The following DAPK2 variants were observed in gnomAD, a reference collection of about 807,000 sequenced individuals.
The protein encoded by DAPK2 is death-associated protein kinase 2.
Under a neutral mutation model 44.1 loss-of-function variants are expected in DAPK2, and 35 were observed. The ratio of observed to expected loss-of-function variants is 0.79; its 90% CI spans 0.61 to 1.05. The LOEUF is 1.05. Among genes scored for constraint, DAPK2 ranks in the 50% least tolerant of loss-of-function variants. The pLI is 0.00. For synonymous variants in DAPK2, 174 were observed against 182.6 expected (o/e 0.95, Z 0.38); for missense variants, 453 against 483.2 (o/e 0.94, Z 0.59).
At position 63,916,681 on chromosome 15, in the gene DAPK2, C is replaced by T. The variant is rs12592997; in HGVS notation, c.859-4484G>A. 98,297 of 152,124 alleles carry T rather than the reference C, an allele frequency of 0.65. 32,355 individuals are homozygous for T. The highest frequency in any genetic ancestry group is 0.99 in the East Asian group (5,141 of 5,190). The allele number at this position is 152,124 out of a possible 1,614,324, so 9.4% of individuals were successfully genotyped here. A position where few individuals can be genotyped will look rare whatever the true frequency, so the allele number is the denominator to read the frequency against. On this transcript the variant is annotated intron_variant, in intron 8 of 10. Transcript: ENST00000261891. This position sits in a 1 kb window ranked among gnomAD's most constrained non-coding sequence, Gnocchi z 4.7. ...AGAAAGGCTGTGAGCCTGAAGGCTGCCCCCTACAGTGAACAAGCCAGTGGA... is the reference window on the plus strand; with the variant it reads ...AGAAAGGCTGTGAGCCTGAAGGCTGTCCCCTACAGTGAACAAGCCAGTGGA...
intron 4 of DAPK2, chr15:63,935,614 T>G (rs1003524734): frequency 1.3e-5 from 2 of 152,178 alleles, no homozygotes; most frequent in African/African-American, 2.4e-5. Flanking sequence ...AAGATTTTTG[T>G]TTTTTTCTGC....
chr15:64,021,463 C>T (rs1407934944), intron 1 of DAPK2, among the ~76,000 whole-genome samples: 1 of 152,150 alleles, frequency 6.6e-6, no homozygotes, highest in Non-Finnish European at 1.5e-5. Flanking sequence ...CTTGTAAACA[C>T]AAGCTCAGCG....
intron 1 of DAPK2, among the ~76,000 whole-genome samples, chr15:64,030,812 T>A (rs1394826738): frequency 1.3e-5 from 2 of 151,972 alleles, no homozygotes; most frequent in East Asian, 1.9e-4. Context: ...CTACAAAAAA[T>A]TTTAAAATTA....
At chr15:64,001,725 G>A (rs2079089831) in intron 1 of DAPK2, among the ~76,000 whole-genome samples, 3 of 152,152 alleles carry the variant, frequency 2.0e-5, no homozygotes, top group Admixed American at 2.0e-4. Context: ...CAGAAAAGTG[G>A]AATCTTAGAT....
chr15:63,911,399 C>T (rs1277612311), intron 10 of DAPK2: 1 of 160,032 alleles, frequency 6.2e-6, no homozygotes, highest in Non-Finnish European at 1.4e-5. Flanking sequence ...AGTCTGACTG[C>T]AGAGGGCACC....
At chr15:63,954,549 A>G (rs941003884) in intron 3 of DAPK2, among the ~76,000 whole-genome samples, 1 of 152,120 alleles carries the variant, frequency 6.6e-6, no homozygotes. Context: ...TGGTTACTAT[A>G]TAGCTTTGTC....
At chr15:64,021,312 G>A (rs180767715) in intron 1 of DAPK2, among the ~76,000 whole-genome samples, 17 of 152,298 alleles carry the variant, frequency 1.1e-4, no homozygotes, top group East Asian at 5.8e-4. Context: ...TGAGCATTCC[G>A]TACAGTTGCT....
chr15:63,912,292 G>T lies in DAPK2; in HGVS notation c.859-95C>A. 7.8e-7 allele frequency: 1 copy of T among 1,288,642 alleles called. No homozygotes were observed. Among genetic ancestry groups the T allele is most frequent in the Non-Finnish European group, 1.1e-6 (1 of 912,826 alleles). The allele number at this position is 1,288,642 out of a possible 1,614,324, so 79.8% of individuals were successfully genotyped here. On this transcript the variant is annotated intron_variant, in intron 8 of 10. Transcript: ENST00000261891. This position sits in a 1 kb window ranked among gnomAD's most constrained non-coding sequence, Gnocchi z 4.4. ...ACTCCCCACCCACCGCATGCCCACCGCCCTTGGCTTGACCCTGGCATCTCC... is the reference window on the plus strand; with the variant it reads ...ACTCCCCACCCACCGCATGCCCACCTCCCTTGGCTTGACCCTGGCATCTCC...
At chr15:63,976,060 G>A (rs1390405184) in intron 2 of DAPK2, among the ~76,000 whole-genome samples, 1 of 152,180 alleles carries the variant, frequency 6.6e-6, no homozygotes, top group African/African-American at 2.4e-5. Flanking sequence ...ATCATGAAAA[G>A]TAGAACAACC....
intron 8 of DAPK2, among the ~76,000 whole-genome samples, chr15:63,913,426 G>T (rs976273132): frequency 1.6e-4 from 25 of 152,134 alleles, no homozygotes; most frequent in Non-Finnish European, 3.7e-4. Context: ...AGAGTCAATA[G>T]CTTTTATCGA....
chr15:63,934,258 T>TTG (rs2077069230), intron 4 of DAPK2, among the ~76,000 whole-genome samples: 1 of 133,860 alleles, frequency 7.5e-6, no homozygotes, highest in Non-Finnish European at 1.6e-5. Flanking sequence ...AGTTTTTTTT[T>TTG]TTTTTTTTTT....
At chr15:63,997,885 T>A (rs150858711) in intron 1 of DAPK2, among the ~76,000 whole-genome samples, 1 of 152,298 alleles carries the variant, frequency 6.6e-6, no homozygotes, top group East Asian at 1.9e-4. Flanking sequence ...AGTTTCATCA[T>A]CAGTGAGACA....
At chr15:64,035,980 C>T in intron 1 of DAPK2, among the ~76,000 whole-genome samples, 1 of 152,110 alleles carries the variant, frequency 6.6e-6, no homozygotes, top group East Asian at 1.9e-4. Context: ...GAATCAGAAA[C>T]ATGTGGACCA....
upstream of DAPK2, among the ~76,000 whole-genome samples, chr15:64,042,097 T>A (rs2080366690): frequency 6.6e-6 from 1 of 152,178 alleles, no homozygotes; most frequent in South Asian, 2.1e-4. This position sits in a 1 kb window ranked among gnomAD's most constrained non-coding sequence, Gnocchi z 4.7. Context: ...CTGGGACTCA[T>A]CCCCTCACCT....
intron 1 of DAPK2, among the ~76,000 whole-genome samples, chr15:63,998,975 T>A (rs2079017944): frequency 6.6e-6 from 1 of 152,276 alleles, no homozygotes; most frequent in East Asian, 1.9e-4. Context: ...AAAGGAAATA[T>A]TCTATATATT....
At chr15:64,016,898 A>AGGAC (rs1264094004) in intron 1 of DAPK2, among the ~76,000 whole-genome samples, 23 of 135,812 alleles carry the variant, frequency 1.7e-4, no homozygotes, top group African/African-American at 5.6e-4. Context: ...GAAGGAAGGA[A>AGGAC]GGACGGACAT....
chr15:64,034,798 G>C (rs565782257), intron 1 of DAPK2, among the ~76,000 whole-genome samples: 10 of 152,246 alleles, frequency 6.6e-5, no homozygotes, highest in African/African-American at 2.4e-4. Flanking sequence ...CTATAAAATG[G>C]TAGATTTGGA....
At chr15:63,954,528 C>T (rs1200772731) in intron 3 of DAPK2, among the ~76,000 whole-genome samples, 1 of 152,130 alleles carries the variant, frequency 6.6e-6, no homozygotes, top group Non-Finnish European at 1.5e-5. Context: ...TATACCAGTA[C>T]AATGCTGTTT....
intron 3 of DAPK2, among the ~76,000 whole-genome samples, chr15:63,957,450 G>A (rs545954968): frequency 2.6e-4 from 39 of 151,934 alleles, no homozygotes; most frequent in African/African-American, 8.7e-4. Context: ...TTGGTATGCT[G>A]CACCCGTTAA....
Sources: gnomAD v4.1 joint callset for allele counts (sites outside exome capture counted in the v4.1 genomes callset) on GRCh38, gnomAD v4.1.1 for gene constraint, Gnocchi (gnomAD v3.1) non-coding constraint, MANE v1.5 for transcripts, NCBI Gene and HGNC (gene_info 2026-07-23, HGNC 2026-07-21) for gene names.